TMEM163: variants seen among roughly 807,000 people sequenced by gnomAD.
The protein encoded by TMEM163 is transmembrane protein 163.
Under a neutral mutation model 29.3 loss-of-function variants are expected in TMEM163, and 17 were observed. The observed-to-expected ratio is 0.58, with a 90% CI of 0.40 to 0.87. TMEM163 has a LOEUF of 0.87. Among genes scored for constraint, TMEM163 ranks in the 40% least tolerant of loss-of-function variants. The pLI, the probability that TMEM163 is intolerant of heterozygous loss-of-function variation, is 0.00. For missense variants in TMEM163, 303 were observed against 381.5 expected, an observed-to-expected ratio of 0.79 and a Z score of 1.71; for synonymous variants, 157 against 160.6, an observed-to-expected ratio of 0.98 and a Z score of 0.17.
intron 4 of TMEM163, among the ~76,000 whole-genome samples, chr2:134,515,272 C>T (rs536643630): frequency 2.0e-5 from 3 of 152,220 alleles, no homozygotes; most frequent in South Asian, 2.1e-4. Context: ...GGAAGCCCCC[C>T]GTGGTCTCTG....
At chr2:134,667,285 G>T (rs950612801) in intron 2 of TMEM163, among the ~76,000 whole-genome samples, 1 of 152,170 alleles carries the variant, frequency 6.6e-6, no homozygotes, top group African/African-American at 2.4e-5. Context: ...AATCTTATTC[G>T]CAGCCTTCCT....
chr2:134,569,275 A>G (rs1681369187), intron 2 of TMEM163, among the ~76,000 whole-genome samples: 1 of 152,206 alleles, frequency 6.6e-6, no homozygotes, highest in African/African-American at 2.4e-5. Context: ...TGAACTGAAC[A>G]CTGCCATGGT....
At chr2:134,629,386 T>C (rs1016192120) in intron 2 of TMEM163, among the ~76,000 whole-genome samples, 3 of 152,362 alleles carry the variant, frequency 2.0e-5, no homozygotes, top group African/African-American at 7.2e-5. Context: ...GATGTGGTCT[T>C]GACTTTGAAC....
intron 2 of TMEM163, among the ~76,000 whole-genome samples, chr2:134,672,020 A>G (rs1684006774): frequency 6.6e-6 from 1 of 152,230 alleles, no homozygotes; most frequent in South Asian, 2.1e-4. Context: ...CATCACCCTC[A>G]TGTCAGTGAC....
chr2:134,513,693 A>G (rs1413411015), intron 4 of TMEM163, among the ~76,000 whole-genome samples: 1 of 152,122 alleles, frequency 6.6e-6, no homozygotes, highest in East Asian at 1.9e-4. Context: ...CTCCCGCTTC[A>G]TGGGTAATGG....
At chr2:134,710,834 C>A (rs1684911158) in intron 2 of TMEM163, among the ~76,000 whole-genome samples, 1 of 152,006 alleles carries the variant, frequency 6.6e-6, no homozygotes. Context: ...CACACACAGG[C>A]ACACACTCCA....
intron 5 of TMEM163, among the ~76,000 whole-genome samples, chr2:134,481,121 G>A (rs187870756): frequency 1.3e-5 from 2 of 152,130 alleles, no homozygotes; most frequent in Non-Finnish European, 2.9e-5. Flanking sequence ...GACTTCGTTT[G>A]TCAACATCAT....
At chr2:134,687,671 T>TA (rs1249631500) in intron 2 of TMEM163, among the ~76,000 whole-genome samples, 1 of 152,178 alleles carries the variant, frequency 6.6e-6, no homozygotes. Context: ...AAGTGGAGGT[T>TA]AATTCATTAT....
intron 6 of TMEM163, among the ~76,000 whole-genome samples, chr2:134,465,190 A>AAAAAAACAAAC (rs1553471748): frequency 3.5e-5 from 4 of 114,210 alleles, no homozygotes; most frequent in African/African-American, 1.9e-4. Context: ...CCGCATCTTT[A>AAAAAAACAAAC]AAAAAAAAAA....
chr2:134,544,794 CAATAAATA>C (rs1212969832), intron 4 of TMEM163, among the ~76,000 whole-genome samples: 2 of 152,048 alleles, frequency 1.3e-5, no homozygotes, highest in African/African-American at 4.8e-5. Context: ...GACTCTGTCT[CAATAAATA>C]AATAAATAAA....
chr2:134,474,463 C>T (rs1686871835), intron 5 of TMEM163, among the ~76,000 whole-genome samples: 2 of 151,992 alleles, frequency 1.3e-5, no homozygotes, highest in South Asian at 4.1e-4. Context: ...GAATGTTACT[C>T]CTAAGATCAG....
intron 4 of TMEM163, among the ~76,000 whole-genome samples, chr2:134,536,072 G>A (rs1219895413): frequency 3.3e-5 from 5 of 152,104 alleles, no homozygotes; most frequent in South Asian, 2.1e-4. Flanking sequence ...GACGGAGGGC[G>A]CACGCGTATA....
At chr2:134,501,094 T>C (rs1010454376) in intron 5 of TMEM163, among the ~76,000 whole-genome samples, 1 of 152,100 alleles carries the variant, frequency 6.6e-6, no homozygotes, top group African/African-American at 2.4e-5. Context: ...TATCAAAACA[T>C]CACTATGTAC....
intron 2 of TMEM163, among the ~76,000 whole-genome samples, chr2:134,564,489 T>C (rs1485430840): frequency 1.3e-5 from 2 of 152,186 alleles, no homozygotes; most frequent in Non-Finnish European, 2.9e-5. Context: ...TTTTTTAAAC[T>C]AGACATAAAT....
At chr2:134,494,138 T>C (rs1356369417) in intron 5 of TMEM163, among the ~76,000 whole-genome samples, 1 of 152,168 alleles carries the variant, frequency 6.6e-6, no homozygotes, top group Non-Finnish European at 1.5e-5. Context: ...CTGTTAATAA[T>C]CCACTTTCAT....
intron 1 of TMEM163, among the ~76,000 whole-genome samples, chr2:134,716,302 G>A (rs147973349): frequency 1.7e-3 from 255 of 152,290 alleles, no homozygotes; most frequent in Non-Finnish European, 2.8e-3. Flanking sequence ...CTTGCTCCCT[G>A]AGCTTTAAGT....
intron 2 of TMEM163, among the ~76,000 whole-genome samples, chr2:134,598,920 CAAAAAA>C (rs796382637): frequency 4.6e-5 from 3 of 65,924 alleles, no homozygotes; most frequent in Non-Finnish European, 1.2e-4. Flanking sequence ...GACTCTATCT[CAAAAAA>C]AAAAAAAAAG....
rs1558910939 is a variant in TMEM163 at position 134,463,202 on chromosome 2, T to C, written c.667+2912A>G. Among the ~76,000 whole-genome samples the C allele has an allele frequency of 2.0e-5, 3 of 152,210 alleles. 1 individual carries two copies. The South Asian group carries it at 6.2e-4, about 32-fold the overall frequency. On this transcript the variant is annotated intron_variant, in intron 6 of 7. Transcript: ENST00000281924. ...CCTCCACTCTGCATCCCTACAGGGC[T>C]GGGCCAGAGTGTGGCCCTCAGAACC...
At chr2:134,535,726 T>G (rs1256242110) in intron 4 of TMEM163, among the ~76,000 whole-genome samples, 1 of 130,062 alleles carries the variant, frequency 7.7e-6, no homozygotes, top group Non-Finnish European at 1.6e-5. Context: ...GGTTTTTTTT[T>G]TTGTTTGTTT....
Sources: gnomAD v4.1 joint callset for allele counts (sites outside exome capture counted in the v4.1 genomes callset) on GRCh38, gnomAD v4.1.1 for gene constraint, MANE v1.5 for transcripts, NCBI Gene and HGNC (gene_info 2026-07-23, HGNC 2026-07-21) for gene names.